The following WDR17 variants were observed in gnomAD, a reference collection of about 807,000 sequenced individuals.
The protein encoded by WDR17 is WD repeat domain 17.
WDR17 carries 143 observed loss-of-function variants against 161.7 expected under a neutral mutation model. The ratio of observed to expected loss-of-function variants is 0.88; its 90% CI spans 0.77 to 1.02. The LOEUF is 1.02. WDR17 is among the 50% of genes least tolerant of loss of function. The pLI, the probability that WDR17 is intolerant of heterozygous loss-of-function variation, is 0.00. For synonymous variants in WDR17, 517 were observed against 515.6 expected (o/e 1.00, Z -0.04); for missense variants, 1,469 against 1,520.9 (o/e 0.97, Z 0.57).
At chr4:176,069,475 G>A (rs796621548) in intron 1 of WDR17, among the ~76,000 whole-genome samples, 7 of 152,140 alleles carry the variant, frequency 4.6e-5, no homozygotes, top group Non-Finnish European at 5.9e-5. Context: ...TGTCATGTTC[G>A]GATAAATTGT....
At chr4:176,146,713 T>C (rs909728275) in intron 12 of WDR17, among the ~76,000 whole-genome samples, 2 of 152,222 alleles carry the variant, frequency 1.3e-5, no homozygotes, top group Admixed American at 1.3e-4. Context: ...GTTATTTTGA[T>C]ACAAATCCCT....
intron 1 of WDR17, among the ~76,000 whole-genome samples, chr4:176,071,310 C>T (rs1301755378): frequency 7.0e-6 from 1 of 143,316 alleles, no homozygotes; most frequent in East Asian, 2.1e-4. Context: ...GTGATTTCTC[C>T]CTTTTCTTTT....
At chr4:176,122,137 C>T (rs35571688) in intron 4 of WDR17, among the ~76,000 whole-genome samples, 7,585 of 152,264 alleles carry the variant, frequency 0.05, 276 homozygotes, top group Middle Eastern at 0.095. Flanking sequence ...AGGATCTGTT[C>T]CAGGCCTGTC....
chr4:176,071,921 G>A (rs1733298578), intron 1 of WDR17, among the ~76,000 whole-genome samples: 1 of 152,102 alleles, frequency 6.6e-6, no homozygotes, highest in Non-Finnish European at 1.5e-5. Flanking sequence ...CTCTTTTGAT[G>A]TTCAGTGTTT....
At chr4:176,124,991 G>C (rs2126735464) in intron 4 of WDR17, 113 bp from the exon 5 acceptor site, 1 of 1,233,532 alleles carries the variant, frequency 8.1e-7, no homozygotes, top group Admixed American at 2.5e-5. Flanking sequence ...CACCACATTT[G>C]TATTTTCAAT....
chr4:176,112,335 C>A (rs779182589), intron 2 of WDR17, among the ~76,000 whole-genome samples: 20 of 152,166 alleles, frequency 1.3e-4, no homozygotes, highest in South Asian at 1.0e-3. Flanking sequence ...TCTTAATAGT[C>A]TCTACTTTTA....
Position 176,148,280 on chromosome 4 carries a change from C to T in WDR17, c.1842C>T (p.Asp614=). 1 of 1,613,952 alleles carries T rather than the reference C, an allele frequency of 6.2e-7. No homozygotes were observed. The highest frequency in any genetic ancestry group is 8.5e-7 in the Non-Finnish European group (1 of 1,179,944). The part of the protein sequence containing the change: ...GSWDYTIKVW[D]TREGTCVDTV... ...GGGACTATACTATAAAAGTATGGGA[C>T]ACTCGAGAAGGAACTTGTGTGGATA... is the stretch of plus-strand genomic sequence containing the variant. Residue 614 remains aspartate (D), a synonymous_variant, in exon 13 of 29, where the codon GAC becomes GAT. Transcript: ENST00000508596.
At chr4:176,118,621 C>T (rs975262246) in intron 3 of WDR17, among the ~76,000 whole-genome samples, 2 of 152,136 alleles carry the variant, frequency 1.3e-5, no homozygotes, top group Non-Finnish European at 2.9e-5. Flanking sequence ...TTTTCTCTTC[C>T]TGGGAAATAC....
At chr4:176,071,584 G>A (rs1406317297) in intron 1 of WDR17, among the ~76,000 whole-genome samples, 1 of 152,088 alleles carries the variant, frequency 6.6e-6, no homozygotes, top group East Asian at 1.9e-4. Context: ...CAAAGTGTTG[G>A]AATTACAGGC....
In WDR17 at chr4:176,151,793, A is replaced by G. The variant is rs574050632; in HGVS notation, c.2305-19A>G. The stretch of plus-strand genomic sequence containing the variant: ...AATATGTCAAATTTTTTTAAATTCT[A>G]TTTTCTTTTTAAAACCAGTCTGAAG... On this transcript the variant is annotated intron_variant, in intron 16 of 28. Transcript: ENST00000508596. The G allele has an allele frequency of 5.8e-5, 89 of 1,544,294 alleles. No individual in the cohort carries two copies. In the South Asian group the frequency reaches 9.7e-4, roughly 17 times the overall value.
intron 17 of WDR17, 143 bp downstream of exon 17, chr4:176,152,110 T>G: frequency 1.5e-5 from 11 of 719,416 alleles, no homozygotes; most frequent in Non-Finnish European, 2.4e-5. Context: ...AGGAGTTCGA[T>G]ACTAGCCTGA....
rs746498422 is a variant in WDR17 at position 176,139,994 on chromosome 4, C to T, written c.1442+20C>T. On this transcript the variant is annotated intron_variant, in intron 10 of 28. Coordinates refer to ENST00000508596, the MANE Select transcript of WDR17 (RefSeq NM_181265.4). ...TTTCTGGTAAGTACTATGTATGATA[C>T]ATGATATGAAATTACACTGTTTATA... The T allele has an allele frequency of 1.3e-6, 2 of 1,567,260 alleles. No individual in the cohort carries two copies. Among genetic ancestry groups the T allele is most frequent in the Admixed American group, 1.8e-5 (1 of 56,334 alleles).
chr4:176,179,010 A>C (rs536050675), intron 28 of WDR17, among the ~76,000 whole-genome samples: 1 of 152,360 alleles, frequency 6.6e-6, no homozygotes, highest in East Asian at 1.9e-4. Flanking sequence ...AACAATATTC[A>C]TCATCTTCTG....
intron 1 of WDR17, among the ~76,000 whole-genome samples, chr4:176,068,615 A>G (rs1425141153): frequency 6.6e-6 from 1 of 152,216 alleles, no homozygotes; most frequent in East Asian, 1.9e-4. Flanking sequence ...AATTAAAGAA[A>G]AGAAAAAGAA....
At chr4:176,128,940 C>A in intron 6 of WDR17, 80 bp downstream of exon 6, 1 of 1,296,476 alleles carries the variant, frequency 7.7e-7, no homozygotes, top group South Asian at 1.7e-5. Flanking sequence ...AGTGAGATAT[C>A]AAATACTATA....
chr4:176,085,103 T>G (rs1312693955), intron 1 of WDR17, among the ~76,000 whole-genome samples: 1 of 152,008 alleles, frequency 6.6e-6, no homozygotes, highest in Non-Finnish European at 1.5e-5. Context: ...TTCATATGCA[T>G]TTTAGAATTT....
intron 17 of WDR17, among the ~76,000 whole-genome samples, chr4:176,154,597 C>T (rs1354520239): frequency 6.6e-6 from 1 of 152,096 alleles, no homozygotes; most frequent in African/African-American, 2.4e-5. Flanking sequence ...ATTGAAAGAG[C>T]TTGGTGAATT....
At chr4:176,132,657 A>T (rs1743654715) in intron 7 of WDR17, among the ~76,000 whole-genome samples, 1 of 151,938 alleles carries the variant, frequency 6.6e-6, no homozygotes. Flanking sequence ...CTGTAGCTTA[A>T]TTATTTTTGA....
At chr4:176,165,550 CA>C (rs1749656407) in intron 22 of WDR17, among the ~76,000 whole-genome samples, 1 of 152,182 alleles carries the variant, frequency 6.6e-6, no homozygotes, top group African/African-American at 2.4e-5. Flanking sequence ...ATAACATTAA[CA>C]GTCAATTAAC....
Sources: allele counts gnomAD v4.1 joint callset (sites outside exome capture counted in the v4.1 genomes callset), GRCh38; gene constraint gnomAD v4.1.1; transcripts MANE v1.5; gene names NCBI Gene and HGNC (gene_info 2026-07-23, HGNC 2026-07-21).